The following ERC2 variants were observed in gnomAD, a reference collection of about 807,000 sequenced individuals.
The protein encoded by ERC2 is ERC protein 2.
Under a neutral mutation model 114.8 loss-of-function variants are expected in ERC2, and 42 were observed. The observed-to-expected ratio is 0.37, with a 90% CI of 0.29 to 0.47. The LOEUF (loss-of-function observed/expected upper bound fraction) is 0.47. ERC2 is among the 20% of genes least tolerant of loss of function. The pLI is 0.99. For missense variants in ERC2, 939 were observed against 1,150.7 expected (o/e 0.82, Z 2.66); for synonymous variants, 454 against 425.5 (o/e 1.07, Z -0.82).
chr3:56,387,455 T>C (rs1430156580), intron 2 of ERC2, among the ~76,000 whole-genome samples: 1 of 152,198 alleles, frequency 6.6e-6, no homozygotes, highest in Non-Finnish European at 1.5e-5. Context: ...CAGTGGACCA[T>C]ACTAAATATT....
At chr3:55,549,950 G>GAGAGAGAC (rs1553699169) in intron 17 of ERC2, among the ~76,000 whole-genome samples, 1 of 142,058 alleles carries the variant, frequency 7.0e-6, no homozygotes, top group Admixed American at 7.2e-5. Context: ...GAGAGAGAGA[G>GAGAGAGAC]AGAGAGAGAC....
rs1299005444 is a variant in ERC2 at position 55,609,960 on chromosome 3, G to A, written c.*39+73834C>T. On this transcript the variant is annotated intron_variant, in intron 17 of 17. Coordinates refer to ENST00000288221, the MANE Select transcript of ERC2 (RefSeq NM_015576.3). ...CTCTCCAATTCCTGGATCCATGTGG[G>A]ATGTAAGAACTCAGGATCAGGACGC... Among the ~76,000 whole-genome samples the A allele has an allele frequency of 1.6e-4, 24 of 149,380 alleles. No individual in the cohort carries two copies. The South Asian group carries it at 4.9e-3, about 30-fold the overall frequency.
rs184700374 is a variant in ERC2, at chr3:56,059,240, G to A, written c.1641+21577C>T. Among the ~76,000 whole-genome samples, 940 of 152,024 alleles carry A rather than the reference G, an allele frequency of 6.2e-3. 31 individuals carry two copies. Among genetic ancestry groups the A allele is most frequent in the Admixed American group, 0.055 (834 of 15,260 alleles). On this transcript the variant is annotated intron_variant, in intron 7 of 17. Coordinates refer to ENST00000288221, the MANE Select transcript of ERC2 (RefSeq NM_015576.3). ...TGAGTAGCTAGGACTATTGGCGCCC[G>A]CCAACATGCCCGGCTAATTTTTGTA...
intron 12 of ERC2, among the ~76,000 whole-genome samples, chr3:55,971,346 A>C (rs1418540030): frequency 1.3e-5 from 2 of 152,158 alleles, no homozygotes; most frequent in Non-Finnish European, 2.9e-5. Context: ...TGGTATGCAA[A>C]TATATCTTAA....
At chr3:56,286,842 A>G (rs1173450574) in intron 3 of ERC2, among the ~76,000 whole-genome samples, 1 of 152,006 alleles carries the variant, frequency 6.6e-6, no homozygotes, top group Non-Finnish European at 1.5e-5. Flanking sequence ...CTAAAAACGT[A>G]GCAAGTCTTT....
chr3:56,307,654 A>G (rs993067493), intron 2 of ERC2, among the ~76,000 whole-genome samples: 2 of 152,244 alleles, frequency 1.3e-5, no homozygotes, highest in Non-Finnish European at 2.9e-5. Flanking sequence ...GGCCACTGAA[A>G]CATTAAGCAT....
At chr3:56,426,942 G>C (rs1199983665) in intron 2 of ERC2, among the ~76,000 whole-genome samples, 2 of 148,730 alleles carry the variant, frequency 1.3e-5, no homozygotes, top group South Asian at 4.3e-4. Context: ...CAGGTGGATT[G>C]CTTGAGCCCA....
intron 17 of ERC2, among the ~76,000 whole-genome samples, chr3:55,589,440 T>C (rs939315888): frequency 6.6e-6 from 1 of 152,082 alleles, no homozygotes; most frequent in Non-Finnish European, 1.5e-5. Flanking sequence ...ACATCTACCA[T>C]GACTACACGG....
chr3:55,997,009 T>G (rs2071566231), intron 10 of ERC2, among the ~76,000 whole-genome samples: 1 of 152,210 alleles, frequency 6.6e-6, no homozygotes, highest in African/African-American at 2.4e-5. Context: ...AAAATGGCAG[T>G]TCATCAATCC....
intron 3 of ERC2, among the ~76,000 whole-genome samples, chr3:56,209,361 C>T (rs2048926461): frequency 6.6e-6 from 1 of 152,144 alleles, no homozygotes; most frequent in Non-Finnish European, 1.5e-5. Flanking sequence ...TCCTAATATA[C>T]ACCACAACTC....
intron 14 of ERC2, among the ~76,000 whole-genome samples, chr3:55,769,116 T>C (rs747769664): frequency 2.3e-4 from 35 of 152,208 alleles, no homozygotes; most frequent in Non-Finnish European, 4.7e-4. Context: ...CTATCTCGCT[T>C]GGAGGCCTCC....
chr3:55,539,483 T>C (rs1488467010), intron 17 of ERC2, among the ~76,000 whole-genome samples: 1 of 134,310 alleles, frequency 7.4e-6, no homozygotes, highest in Non-Finnish European at 1.6e-5. Flanking sequence ...AGTGCAGTGG[T>C]GCGATCTCAG....
intron 9 of ERC2, among the ~76,000 whole-genome samples, chr3:56,007,815 T>C (rs1015267923): frequency 6.6e-6 from 1 of 152,172 alleles, no homozygotes; most frequent in Admixed American, 6.6e-5. Flanking sequence ...TCAATGGTTT[T>C]ACAAACATCT....
chr3:56,259,551 G>A (rs1170610490), intron 3 of ERC2, among the ~76,000 whole-genome samples: 1 of 152,040 alleles, frequency 6.6e-6, no homozygotes. Flanking sequence ...GTATGGGGGA[G>A]GAAACGTGGG....
At chr3:56,194,925 C>T (rs1560348055) in intron 3 of ERC2, among the ~76,000 whole-genome samples, 1 of 152,066 alleles carries the variant, frequency 6.6e-6, no homozygotes, top group East Asian at 1.9e-4. Flanking sequence ...GTACAATAGT[C>T]CTCACTTATC....
At chr3:55,864,097 G>GTA (rs10548129) in intron 14 of ERC2, among the ~76,000 whole-genome samples, 3,307 of 132,546 alleles carry the variant, frequency 0.025, 56 homozygotes, top group South Asian at 0.035. Context: ...TCAGCAGCAG[G>GTA]TATATATATA....
At chr3:56,175,636 C>T (rs2082935813) in intron 3 of ERC2, among the ~76,000 whole-genome samples, 1 of 152,036 alleles carries the variant, frequency 6.6e-6, no homozygotes, top group Admixed American at 6.5e-5. Context: ...CAGTAGGCTG[C>T]TGGAAATTAA....
At chr3:56,349,632 G>A (rs1203878011) in intron 2 of ERC2, among the ~76,000 whole-genome samples, 2 of 152,188 alleles carry the variant, frequency 1.3e-5, no homozygotes, top group East Asian at 1.9e-4. Flanking sequence ...CAGGGGCCAG[G>A]CGCGTGGCTC....
intron 17 of ERC2, among the ~76,000 whole-genome samples, chr3:55,542,777 A>G (rs988246220): frequency 6.6e-6 from 1 of 152,278 alleles, no homozygotes; most frequent in East Asian, 1.9e-4. Context: ...TAGCTTCCCT[A>G]ACAGCAGACT....
Sources: gnomAD v4.1 joint callset for allele counts (sites outside exome capture counted in the v4.1 genomes callset) on GRCh38, gnomAD v4.1.1 for gene constraint, MANE v1.5 for transcripts, NCBI Gene and HGNC (gene_info 2026-07-23, HGNC 2026-07-21) for gene names.